The following TRAPPC9 variants were observed in gnomAD, a reference collection of about 807,000 sequenced individuals.
TRAPPC9 encodes trafficking protein particle complex subunit 9.
TRAPPC9 carries 83 observed loss-of-function variants against 124.0 expected under a neutral mutation model. The observed-to-expected ratio is 0.67, with a 90% confidence interval of 0.56 to 0.80. The LOEUF is 0.80. TRAPPC9 is among the 30% of genes least tolerant of loss of function. The probability of loss-of-function intolerance (pLI) is 0.00; values close to 1 mark genes in which losing one functional copy is unlikely to be tolerated. For missense variants in TRAPPC9, 1,302 were observed against 1,508.3 expected, an observed-to-expected ratio of 0.86 and a Z score of 2.27; for synonymous variants, 638 against 617.5, an observed-to-expected ratio of 1.03 and a Z score of -0.49.
chr8:139,921,871 G>A (rs540516248), intron 19 of TRAPPC9, among the ~76,000 whole-genome samples: 2 of 149,092 alleles, frequency 1.3e-5, no homozygotes, highest in African/African-American at 4.9e-5. Context: ...GCCGCGTCTG[G>A]GAGTGCACAC....
At chr8:140,312,206 G>A (rs2066315823) in intron 9 of TRAPPC9, among the ~76,000 whole-genome samples, 1 of 152,258 alleles carries the variant, frequency 6.6e-6, no homozygotes, top group Admixed American at 6.5e-5. Context: ...TGGGAGGGGT[G>A]TGAACAAGGA....
At chr8:140,033,655 GTGGTTTTTTTTTTTT>G (rs1840644413) in intron 17 of TRAPPC9, among the ~76,000 whole-genome samples, 2 of 55,444 alleles carry the variant, frequency 3.6e-5, no homozygotes, top group African/African-American at 8.1e-5. Context: ...TCTTCATAAT[GTGGTTTTTTTTTTTT>G]TTTTTTTTTT....
At chr8:140,292,610 A>T (rs1365839342) in intron 11 of TRAPPC9, among the ~76,000 whole-genome samples, 1 of 152,238 alleles carries the variant, frequency 6.6e-6, no homozygotes, top group Non-Finnish European at 1.5e-5. Flanking sequence ...GCATGTTGAC[A>T]TTGCATAAAT....
rs34104731 is a variant in TRAPPC9, at chr8:140,063,972, ACT to A, written c.2557-39895_2557-39894del. Among the ~76,000 whole-genome samples the A allele has an allele frequency of 0.24, 35,826 of 150,104 alleles. 5,034 individuals carry two copies. Among genetic ancestry groups the A allele is most frequent in the East Asian group, 0.35 (1,779 of 5,118 alleles). ...CCTCTTTCCTGCCAGCAAAAATTCG[ACT>A]CTCTGCTGCAGGCCCTCCTAAAATG... is the stretch of plus-strand genomic sequence containing the variant. On this transcript the variant is annotated intron_variant, in intron 17 of 22. Coordinates refer to ENST00000438773, the MANE Select transcript of TRAPPC9 (RefSeq NM_001160372.4). The surrounding 1 kb of genome is among the most constrained non-coding windows in gnomAD (Gnocchi z 4.3).
intron 17 of TRAPPC9, among the ~76,000 whole-genome samples, chr8:140,217,805 C>T (rs370179272): frequency 4.6e-5 from 7 of 152,226 alleles, no homozygotes; most frequent in African/African-American, 1.4e-4. Context: ...CACTTGAGGT[C>T]GGAAGTTTGA....
intron 19 of TRAPPC9, among the ~76,000 whole-genome samples, chr8:139,976,270 C>T (rs934248570): frequency 5.9e-5 from 9 of 152,064 alleles, no homozygotes; most frequent in African/African-American, 2.2e-4. Flanking sequence ...TCACACCCGA[C>T]ACAAAAAATT....
At chr8:140,155,396 G>A (rs1587821980) in intron 17 of TRAPPC9, among the ~76,000 whole-genome samples, 2 of 152,342 alleles carry the variant, frequency 1.3e-5, no homozygotes, top group African/African-American at 4.8e-5. Flanking sequence ...TACCAAGCAG[G>A]ACGCCACAGC....
At chr8:139,888,576 C>G (rs75376585) in intron 20 of TRAPPC9, among the ~76,000 whole-genome samples, 3,487 of 152,274 alleles carry the variant, frequency 0.023, 160 homozygotes, top group African/African-American at 0.08. Context: ...CAGGAATTCA[C>G]CCACCATTTC....
intron 8 of TRAPPC9, among the ~76,000 whole-genome samples, chr8:140,368,064 A>AC (rs1293442144): frequency 6.6e-6 from 1 of 152,090 alleles, no homozygotes; most frequent in Non-Finnish European, 1.5e-5. Flanking sequence ...TCTATTCTGC[A>AC]CCCCGTCATG....
intron 17 of TRAPPC9, among the ~76,000 whole-genome samples, chr8:140,052,162 A>G (rs1842039796): frequency 6.6e-6 from 1 of 152,188 alleles, no homozygotes; most frequent in Non-Finnish European, 1.5e-5. Context: ...CAAAATTACC[A>G]CAGCAAATAA....
intron 19 of TRAPPC9, among the ~76,000 whole-genome samples, chr8:139,928,038 T>C (rs746361743): frequency 6.6e-6 from 1 of 152,184 alleles, no homozygotes; most frequent in African/African-American, 2.4e-5. Context: ...TAGACACATA[T>C]CAAAGCTGAT....
intron 21 of TRAPPC9, among the ~76,000 whole-genome samples, chr8:139,858,560 G>A (rs1053124760): frequency 2.0e-5 from 3 of 152,234 alleles, no homozygotes; most frequent in Non-Finnish European, 4.4e-5. Context: ...ACTGTCAGGT[G>A]TGTATACATA....
At position 139,886,003 on chromosome 8, in the gene TRAPPC9, G is replaced by A. The variant is rs200437565; in HGVS notation, c.2965-34C>T. Reference sequence around the variant, plus strand: ...TGGTCAAGGAAAACGCAACTCCTGCGGAGCCCAGGGACAGAAGAACGTCTA... The same window carrying A: ...TGGTCAAGGAAAACGCAACTCCTGCAGAGCCCAGGGACAGAAGAACGTCTA... On this transcript the variant is annotated intron_variant, in intron 20 of 22. Coordinates refer to ENST00000438773, the MANE Select transcript of TRAPPC9 (RefSeq NM_001160372.4). 7.8e-5 allele frequency: 121 copies of A among 1,542,074 alleles called. No homozygotes were observed. The East Asian group carries it at 1.0e-3, about 13-fold the overall frequency.
chr8:140,042,200 A>AGTGTGTGTGTGT (rs1375063495), intron 17 of TRAPPC9, among the ~76,000 whole-genome samples: 2 of 90,932 alleles, frequency 2.2e-5, no homozygotes, highest in African/African-American at 9.7e-5. Context: ...AGCCCAAAAA[A>AGTGTGTGTGTGT]GTGTATGTGT....
At chr8:139,974,804 G>A (rs1423274262) in intron 19 of TRAPPC9, among the ~76,000 whole-genome samples, 2 of 152,066 alleles carry the variant, frequency 1.3e-5, no homozygotes, top group African/African-American at 2.4e-5. Context: ...CAGCTCATGT[G>A]GAGGCTGGGC....
chr8:139,906,976 C>T lies in TRAPPC9; in HGVS notation c.2964+3171G>A, dbSNP rs562647213. ...GGCCCTCTTCATCTCTCTACGTGAACGGGAATGGGCTGAGATCTCCACCTA... is the reference window on the plus strand; with the variant it reads ...GGCCCTCTTCATCTCTCTACGTGAATGGGAATGGGCTGAGATCTCCACCTA... On this transcript the variant is annotated intron_variant, in intron 20 of 22. Coordinates refer to ENST00000438773, the MANE Select transcript of TRAPPC9 (RefSeq NM_001160372.4). Among the ~76,000 whole-genome samples, 14 of 151,870 alleles carry T rather than the reference C, an allele frequency of 9.2e-5. No homozygotes were observed. In the Middle Eastern group the frequency reaches 0.01, roughly 111 times the overall value.
chr8:140,352,359 C>G lies in TRAPPC9; in HGVS notation c.1495+7691G>C, dbSNP rs61450633. Among the ~76,000 whole-genome samples, 614 of 152,314 alleles carry G rather than the reference C, an allele frequency of 4.0e-3. 2 individuals are homozygous for G. Among genetic ancestry groups the G allele is most frequent in the African/African-American group, 0.013 (554 of 41,572 alleles). On this transcript the variant is annotated intron_variant, in intron 9 of 22. Coordinates refer to ENST00000438773, the MANE Select transcript of TRAPPC9 (RefSeq NM_001160372.4). Reference sequence around the variant, plus strand: ...ATGACAGCAGCTATGGGGAGAGAGGCACTGCATAGCGACAGTTGTTTCGGA... The same window carrying G: ...ATGACAGCAGCTATGGGGAGAGAGGGACTGCATAGCGACAGTTGTTTCGGA...
At chr8:140,375,592 G>A (rs1295271452) in intron 7 of TRAPPC9, among the ~76,000 whole-genome samples, 1 of 152,118 alleles carries the variant, frequency 6.6e-6, no homozygotes, top group African/African-American at 2.4e-5. Flanking sequence ...TAAGAAACAG[G>A]GATCATCAAA....
chr8:140,405,321 C>A, intron 6 of TRAPPC9: 1 of 337,234 alleles, frequency 3.0e-6, no homozygotes. Context: ...AAAATATTAA[C>A]AATCATTATC....
Sources: allele counts gnomAD v4.1 joint callset (sites outside exome capture counted in the v4.1 genomes callset), GRCh38; gene constraint gnomAD v4.1.1; non-coding constraint Gnocchi (gnomAD v3.1); transcripts MANE v1.5; gene names NCBI Gene and HGNC (gene_info 2026-07-23, HGNC 2026-07-21).